The following CAPN2 variants were observed in gnomAD, a reference collection of about 807,000 sequenced individuals.
The protein encoded by CAPN2 is calpain-2 catalytic subunit.
CAPN2 carries 92 observed loss-of-function variants against 102.3 expected under a neutral mutation model. That is an observed-to-expected ratio of 0.90 (90% confidence interval 0.76 to 1.07). The LOEUF (loss-of-function observed/expected upper bound fraction) is 1.07. CAPN2 is among the 50% of genes least tolerant of loss of function. CAPN2 has a pLI of 0.00. For missense variants in CAPN2, 800 were observed against 909.4 expected, an observed-to-expected ratio of 0.88 and a Z score of 1.55; for synonymous variants, 340 against 355.4, an observed-to-expected ratio of 0.96 and a Z score of 0.49.
At chr1:223,712,410 C>A, upstream of CAPN2, 2 of 1,064,904 alleles carry the variant, frequency 1.9e-6, no homozygotes, top group Non-Finnish European at 2.3e-6. Flanking sequence ...GCGTTCCCGG[C>A]GCTCGGCAGG....
intron 3 of CAPN2, 74 bp downstream of exon 3, chr1:223,744,292 G>C (rs1216613634): frequency 2.1e-6 from 2 of 937,474 alleles, no homozygotes; most frequent in African/African-American, 1.6e-5. Context: ...GCTTGGCTGG[G>C]TTCATCAGTC....
rs1223821598 is a variant in CAPN2, at chr1:223,717,820, A to G, written c.296A>G (p.Gln99Arg). Residue 99 changes from glutamine to arginine, a missense_variant, in exon 2 of 21, where the codon CAA (glutamine) becomes CGA (arginine). Transcript: ENST00000295006. The part of the protein sequence containing the change: ...IGGATRTDIC[Q>R]GALGDCWLLA... ...GGAGCCACCCGCACAGACATCTGCCAAGGAGCCCTGGGTAAGTGATAGATT... is the reference window on the plus strand; with the variant it reads ...GGAGCCACCCGCACAGACATCTGCCGAGGAGCCCTGGGTAAGTGATAGATT... 6.2e-7 allele frequency: 1 copy of G among 1,613,658 alleles called. No individual in the cohort carries two copies. Among genetic ancestry groups the G allele is most frequent in the Non-Finnish European group, 8.5e-7 (1 of 1,179,542 alleles).
intron 16 of CAPN2, among the ~76,000 whole-genome samples, chr1:223,766,829 G>A (rs28370157): frequency 0.017 from 2,522 of 152,014 alleles, 67 homozygotes; most frequent in African/African-American, 0.054. Flanking sequence ...GTGTGGTGGC[G>A]GGCACCTGTA....
intron 18 of CAPN2, 165 bp from the exon 19 acceptor site, chr1:223,771,644 A>C (rs1661473243): frequency 3.2e-6 from 2 of 634,084 alleles, no homozygotes; most frequent in South Asian, 1.9e-5. Context: ...AAACAGCAGA[A>C]GGTACTGGCT....
intron 2 of CAPN2, among the ~76,000 whole-genome samples, chr1:223,735,493 A>G (rs988814755): frequency 6.7e-6 from 1 of 149,962 alleles, no homozygotes; most frequent in African/African-American, 2.5e-5. Context: ...GAGCCATTGC[A>G]CTCCAGCCTG....
rs941455520 is a variant in CAPN2 at position 223,761,455 on chromosome 1, C to T, written c.1530-126C>T. 5.1e-5 allele frequency: 33 copies of T among 648,120 alleles called. 2 individuals are homozygous for T. The South Asian group carries it at 8.1e-4, about 16-fold the overall frequency. The allele number at this position is 648,120 out of a possible 1,614,324, so 40.1% of individuals were successfully genotyped here. A position where few individuals can be genotyped will look rare whatever the true frequency, so the allele number is the denominator to read the frequency against. On this transcript the variant is annotated intron_variant, in intron 12 of 20. Coordinates refer to ENST00000295006, the MANE Select transcript of CAPN2 (RefSeq NM_001748.5). ...TTGGAATACAAAGACCTCCCCCCACCGCAGCCCTGCCCCACCCCACCTACC... is the reference window on the plus strand; with the variant it reads ...TTGGAATACAAAGACCTCCCCCCACTGCAGCCCTGCCCCACCCCACCTACC...
intron 15 of CAPN2, among the ~76,000 whole-genome samples, chr1:223,764,713 C>T (rs1371898254): frequency 2.0e-5 from 3 of 152,188 alleles, no homozygotes; most frequent in Non-Finnish European, 4.4e-5. Context: ...CTTGGCCTCC[C>T]AAAATGCTGG....
At chr1:223,730,221 A>C (rs1264775083) in intron 2 of CAPN2, among the ~76,000 whole-genome samples, 3 of 152,042 alleles carry the variant, frequency 2.0e-5, no homozygotes, top group African/African-American at 4.8e-5. Context: ...TCAGGATCAG[A>C]AAAAGACCTG....
rs753867575 is a variant in CAPN2 at position 223,759,185 on chromosome 1, A to G, written c.1318-85A>G. 7.4e-5 allele frequency: 97 copies of G among 1,305,178 alleles called. No individual in the cohort carries two copies. Among genetic ancestry groups the G allele is most frequent in the Non-Finnish European group, 1.0e-4 (95 of 908,864 alleles). 80.8% of individuals were successfully genotyped at this position (1,305,178 alleles called of 1,614,324 possible). ...CAGGACTGAGCCACCACACTACCCAACTGCTTTTATCTCAGTGAATGAAAA... is the reference window on the plus strand; with the variant it reads ...CAGGACTGAGCCACCACACTACCCAGCTGCTTTTATCTCAGTGAATGAAAA... On this transcript the variant is annotated intron_variant, in intron 11 of 20. Coordinates refer to ENST00000295006, the MANE Select transcript of CAPN2 (RefSeq NM_001748.5). The surrounding 1 kb of genome is among the most constrained non-coding windows in gnomAD (Gnocchi z 4.6).
chr1:223,736,281 C>T (rs116080494), intron 2 of CAPN2, among the ~76,000 whole-genome samples: 1,645 of 152,248 alleles, frequency 0.011, 29 homozygotes, highest in African/African-American at 0.038. Context: ...GCAAAGCCAG[C>T]CAAAGGGGAG....
intron 2 of CAPN2, among the ~76,000 whole-genome samples, chr1:223,735,205 A>C (rs1348078886): frequency 1.3e-5 from 2 of 152,126 alleles, no homozygotes; most frequent in Admixed American, 1.3e-4. Flanking sequence ...AAGCTCACAC[A>C]ATCTTAAGTG....
chr1:223,721,602 C>T (rs1660052708), intron 2 of CAPN2, among the ~76,000 whole-genome samples: 1 of 152,232 alleles, frequency 6.6e-6, no homozygotes, highest in Admixed American at 6.5e-5. Context: ...GGTCAACCTG[C>T]CTCCTTCTCA....
Position 223,759,257 on chromosome 1 carries a change from A to G in CAPN2, c.1318-13A>G. The G allele has an allele frequency of 3.1e-6, 5 of 1,611,822 alleles. No homozygotes were observed. The highest frequency in any genetic ancestry group is 4.2e-6 in the Non-Finnish European group (5 of 1,177,966). ...CCCTCATCTACCCCCATGTTTCTCT[A>G]TTTATTCCTCAGTTAAGTGGGCAGA... On this transcript the variant is annotated splice_polypyrimidine_tract_variant and intron_variant, in intron 11 of 20. Coordinates refer to ENST00000295006, the MANE Select transcript of CAPN2 (RefSeq NM_001748.5). The surrounding 1 kb of genome is among the most constrained non-coding windows in gnomAD (Gnocchi z 4.6).
chr1:223,760,809 T>C (rs1446991281), intron 12 of CAPN2, among the ~76,000 whole-genome samples: 1 of 152,200 alleles, frequency 6.6e-6, no homozygotes, highest in African/African-American at 2.4e-5. Flanking sequence ...TCCCAAAATA[T>C]TAATCCTTCT....
At chr1:223,728,673 C>T (rs1317479583) in intron 2 of CAPN2, among the ~76,000 whole-genome samples, 3 of 152,218 alleles carry the variant, frequency 2.0e-5, no homozygotes, top group Non-Finnish European at 4.4e-5. Context: ...TTGTCCTTTA[C>T]CAGTAATAAC....
rs1018089013 is a variant in CAPN2, at chr1:223,726,514, G to T, written c.307+8683G>T. 2.6e-5 allele frequency among the ~76,000 whole-genome samples: 4 copies of T among 152,198 alleles called. No homozygotes were observed. Among genetic ancestry groups the T allele is most frequent in the African/African-American group, 9.7e-5 (4 of 41,444 alleles). The stretch of plus-strand genomic sequence containing the variant: ...CTGGTCCAGGGCACGGCTGAGACAG[G>T]CAAGGGACTAGAGAGAGGAAGAGTG... On this transcript the variant is annotated intron_variant, in intron 2 of 20. Coordinates refer to ENST00000295006, the MANE Select transcript of CAPN2 (RefSeq NM_001748.5). This position sits in a 1 kb window ranked among gnomAD's most constrained non-coding sequence, Gnocchi z 4.4.
intron 2 of CAPN2, among the ~76,000 whole-genome samples, chr1:223,718,598 T>C (rs185798890): frequency 4.6e-5 from 7 of 152,338 alleles, no homozygotes; most frequent in Admixed American, 4.6e-4. Context: ...CTTTTACTCA[T>C]AATAAATGTG....
At position 223,764,144 on chromosome 1, in the gene CAPN2, C is replaced by T. The variant is rs1225637784; in HGVS notation, c.1633-6C>T. On this transcript the variant is annotated splice_region_variant and splice_polypyrimidine_tract_variant and intron_variant, in intron 14 of 20. Coordinates refer to ENST00000295006, the MANE Select transcript of CAPN2 (RefSeq NM_001748.5). ...CAATAACTATGCTCTGGTTATGTGTCCACAGGATGCGGAGATCTCTGCCTT... is the reference window on the plus strand; with the variant it reads ...CAATAACTATGCTCTGGTTATGTGTTCACAGGATGCGGAGATCTCTGCCTT... The T allele has an allele frequency of 6.2e-7, 1 of 1,613,346 alleles. No homozygotes were observed.
At chr1:223,734,576 C>T (rs1238217234) in intron 2 of CAPN2, among the ~76,000 whole-genome samples, 6 of 152,084 alleles carry the variant, frequency 3.9e-5, no homozygotes, top group Admixed American at 1.3e-4. Context: ...CCCCGCAGCT[C>T]CCCTCCCTCC....
Sources: gnomAD v4.1 joint callset for allele counts (sites outside exome capture counted in the v4.1 genomes callset) on GRCh38, gnomAD v4.1.1 for gene constraint, Gnocchi (gnomAD v3.1) non-coding constraint, MANE v1.5 for transcripts, NCBI Gene and HGNC (gene_info 2026-07-23, HGNC 2026-07-21) for gene names.